The following PTPRR variants were observed in gnomAD, a reference collection of about 807,000 sequenced individuals.
The protein encoded by PTPRR is protein tyrosine phosphatase receptor type R.
PTPRR carries 38 observed loss-of-function variants against 77.2 expected under a neutral mutation model. The ratio of observed to expected loss-of-function variants is 0.49; its 90% CI spans 0.38 to 0.65. The LOEUF (loss-of-function observed/expected upper bound fraction) is 0.65, where lower values mean the gene tolerates loss of function less well. Among genes scored for constraint, PTPRR ranks in the 30% least tolerant of loss-of-function variants. PTPRR has a pLI of 0.00. For missense variants in PTPRR, 744 were observed against 799.2 expected, an observed-to-expected ratio of 0.93 and a Z score of 0.83; for synonymous variants, 299 against 283.1, an observed-to-expected ratio of 1.06 and a Z score of -0.57.
chr12:70,722,186 G>A (rs960510791), intron 6 of PTPRR, among the ~76,000 whole-genome samples: 1 of 152,054 alleles, frequency 6.6e-6, no homozygotes, highest in Non-Finnish European at 1.5e-5. Flanking sequence ...CCTAGGACTT[G>A]CAAATGCCTC....
At chr12:70,769,365 AACAG>A (rs1238500370) in intron 2 of PTPRR, among the ~76,000 whole-genome samples, 2 of 151,898 alleles carry the variant, frequency 1.3e-5, no homozygotes, top group Admixed American at 1.3e-4. Flanking sequence ...ATACACCAAT[AACAG>A]ACAAACAGAG....
chr12:70,849,063 T>C (rs561965905), intron 2 of PTPRR, among the ~76,000 whole-genome samples: 1 of 152,256 alleles, frequency 6.6e-6, no homozygotes, highest in Non-Finnish European at 1.5e-5. Flanking sequence ...TTCAAAAAAA[T>C]TGACTAATAG....
intron 10 of PTPRR, among the ~76,000 whole-genome samples, chr12:70,667,198 C>G (rs967462382): frequency 2.6e-5 from 4 of 152,020 alleles, no homozygotes; most frequent in Admixed American, 6.5e-5. Context: ...CGTCGTGATC[C>G]TCCTGCCTTG....
At position 70,760,304 on chromosome 12, in the gene PTPRR, C is replaced by T. The variant is rs192202427; in HGVS notation, c.627+1167G>A. Reference sequence around the variant, plus strand: ...ATTAAATGGCCTGCCCATGGTCACACACATTTTACGTGTGGCTTTGGGATA... The same window carrying T: ...ATTAAATGGCCTGCCCATGGTCACATACATTTTACGTGTGGCTTTGGGATA... On this transcript the variant is annotated intron_variant, in intron 4 of 13. Coordinates refer to ENST00000283228, the MANE Select transcript of PTPRR (RefSeq NM_002849.4). Among the ~76,000 whole-genome samples the T allele has an allele frequency of 1.6e-4, 25 of 152,318 alleles. No individual in the cohort carries two copies. The Middle Eastern group carries it at 0.01, about 62-fold the overall frequency.
chr12:70,697,228 G>A (rs564976343), intron 8 of PTPRR, among the ~76,000 whole-genome samples: 1 of 152,190 alleles, frequency 6.6e-6, no homozygotes, highest in Non-Finnish European at 1.5e-5. Flanking sequence ...ATCCTTGCCA[G>A]CATTTTTTAT....
chr12:70,739,691 G>T (rs972769), intron 6 of PTPRR, among the ~76,000 whole-genome samples: 1 of 151,900 alleles, frequency 6.6e-6, no homozygotes, highest in African/African-American at 2.4e-5. Flanking sequence ...TTCAATTAAA[G>T]TCATTGCCAG....
intron 1 of PTPRR, among the ~76,000 whole-genome samples, chr12:70,908,582 A>G (rs893537000): frequency 6.6e-6 from 1 of 152,188 alleles, no homozygotes; most frequent in Non-Finnish European, 1.5e-5. Flanking sequence ...TGATTCAATT[A>G]TCTCCACCTG....
intron 8 of PTPRR, among the ~76,000 whole-genome samples, chr12:70,697,259 G>A (rs1888261614): frequency 6.6e-6 from 1 of 152,042 alleles, no homozygotes; most frequent in Non-Finnish European, 1.5e-5. Flanking sequence ...TAAAATTATA[G>A]TTATCCTCAT....
chr12:70,871,332 C>T (rs188009357), intron 2 of PTPRR, among the ~76,000 whole-genome samples: 15 of 152,280 alleles, frequency 9.9e-5, no homozygotes, highest in African/African-American at 3.6e-4. Context: ...TTCCACAAAT[C>T]ACCCTTGCTC....
intron 8 of PTPRR, among the ~76,000 whole-genome samples, chr12:70,695,656 GATGATGGTTTGGGTATATATA>G (rs1156596064): frequency 1.3e-5 from 2 of 152,174 alleles, no homozygotes; most frequent in African/African-American, 2.4e-5. Flanking sequence ...TCTAAAATTA[GATGATGGTTTGGGTATATATA>G]ATTGTGATGG....
intron 1 of PTPRR, among the ~76,000 whole-genome samples, chr12:70,909,944 G>A (rs1173298270): frequency 6.6e-6 from 1 of 152,230 alleles, no homozygotes; most frequent in East Asian, 1.9e-4. Context: ...TGCTAATTAT[G>A]AGCATTTAAA....
chr12:70,893,738 A>G (rs1375965140), intron 1 of PTPRR, among the ~76,000 whole-genome samples: 2 of 151,908 alleles, frequency 1.3e-5, no homozygotes, highest in Non-Finnish European at 2.9e-5. Context: ...GGTAGAAACC[A>G]TGTGTCAAAG....
At chr12:70,700,759 G>C (rs942477150) in intron 7 of PTPRR, among the ~76,000 whole-genome samples, 1 of 151,990 alleles carries the variant, frequency 6.6e-6, no homozygotes, top group Non-Finnish European at 1.5e-5. Context: ...TTAAGGCTAG[G>C]GTTTCTTTTA....
chr12:70,891,746 T>C (rs1893340376), intron 2 of PTPRR, among the ~76,000 whole-genome samples: 1 of 152,052 alleles, frequency 6.6e-6, no homozygotes, highest in Admixed American at 6.6e-5. Flanking sequence ...TTAAGTAAAG[T>C]ATACTATATG....
intron 3 of PTPRR, among the ~76,000 whole-genome samples, chr12:70,762,993 G>A (rs1002841772): frequency 1.3e-5 from 2 of 151,940 alleles, no homozygotes; most frequent in East Asian, 1.9e-4. Flanking sequence ...AACCTAATAT[G>A]TATAAAAGTA....
At chr12:70,876,239 TGTA>T (rs1284628345) in intron 2 of PTPRR, among the ~76,000 whole-genome samples, 1 of 152,114 alleles carries the variant, frequency 6.6e-6, no homozygotes, top group African/African-American at 2.4e-5. Flanking sequence ...AAAGGAAACA[TGTA>T]GTATATATAA....
chr12:70,818,094 C>T (rs748135215), intron 2 of PTPRR, among the ~76,000 whole-genome samples: 12 of 151,982 alleles, frequency 7.9e-5, no homozygotes, highest in Non-Finnish European at 1.8e-4. Flanking sequence ...TGCCTGTAAT[C>T]CTAGCTACTC....
chr12:70,893,945 A>T (rs1893381591), intron 1 of PTPRR, among the ~76,000 whole-genome samples: 1 of 151,904 alleles, frequency 6.6e-6, no homozygotes, highest in Non-Finnish European at 1.5e-5. Flanking sequence ...CTTCTGTTAG[A>T]TAAATATTCA....
chr12:70,825,582 T>C (rs1892094699), intron 2 of PTPRR, among the ~76,000 whole-genome samples: 1 of 152,220 alleles, frequency 6.6e-6, no homozygotes, highest in Non-Finnish European at 1.5e-5. Context: ...TGGTCTTTTC[T>C]CAAATCCCTT....
Sources: gnomAD v4.1 joint callset for allele counts (sites outside exome capture counted in the v4.1 genomes callset) on GRCh38, gnomAD v4.1.1 for gene constraint, MANE v1.5 for transcripts, NCBI Gene and HGNC (gene_info 2026-07-23, HGNC 2026-07-21) for gene names.